The following SGCD variants were observed in gnomAD, a reference collection of about 807,000 sequenced individuals.
SGCD encodes the protein delta-sarcoglycan.
Under a neutral mutation model 36.6 loss-of-function variants are expected in SGCD, and 18 were observed. That is an observed-to-expected ratio of 0.49 (90% confidence interval 0.34 to 0.73). The LOEUF (loss-of-function observed/expected upper bound fraction) is 0.73, where lower values mean the gene tolerates loss of function less well. Among genes scored for constraint, SGCD ranks in the 30% least tolerant of loss-of-function variants. The probability of loss-of-function intolerance (pLI) is 0.01; values close to 1 mark genes in which losing one functional copy is unlikely to be tolerated. For missense variants in SGCD, 387 were observed against 346.7 expected (o/e 1.12, Z -0.92); for synonymous variants, 133 against 130.6 (o/e 1.02, Z -0.12).
intron 3 of SGCD, among the ~76,000 whole-genome samples, chr5:156,257,941 T>C (rs2127663865): frequency 6.6e-6 from 1 of 152,348 alleles, no homozygotes; most frequent in African/African-American, 2.4e-5. Flanking sequence ...ATTTAAACTC[T>C]TAAGTATTCA....
chr5:156,414,498 C>T (rs1350587924), intron 3 of SGCD, among the ~76,000 whole-genome samples: 3 of 152,174 alleles, frequency 2.0e-5, no homozygotes, highest in Non-Finnish European at 2.9e-5. Context: ...AATTGGCACA[C>T]GTTTTCTGTA....
In SGCD at chr5:156,521,283, G is replaced by A. The variant is rs1049960215; in HGVS notation, c.294+12581G>A. Among the ~76,000 whole-genome samples the A allele has an allele frequency of 5.9e-5, 9 of 152,058 alleles. No homozygotes were observed. In the South Asian group the frequency reaches 6.2e-4, roughly 11 times the overall value. Reference sequence around the variant, plus strand: ...AAATCTAGGTAATACCATTCAGGACGTAGGCATGGGCACAGATTTTGTAAT... The same window carrying A: ...AAATCTAGGTAATACCATTCAGGACATAGGCATGGGCACAGATTTTGTAAT... On this transcript the variant is annotated intron_variant, in intron 4 of 8. Transcript: ENST00000337851.
chr5:156,722,483 T>C (rs1755558441), intron 7 of SGCD, among the ~76,000 whole-genome samples: 1 of 152,212 alleles, frequency 6.6e-6, no homozygotes, highest in South Asian at 2.1e-4. Flanking sequence ...CAGCCACTAC[T>C]CTTGGCTTGG....
intron 1 of SGCD, among the ~76,000 whole-genome samples, chr5:155,951,355 G>A (rs542353917): frequency 5.3e-5 from 8 of 152,130 alleles, no homozygotes; most frequent in South Asian, 4.1e-4. Flanking sequence ...CATGAGAAGC[G>A]ACAATATGTA....
At chr5:155,819,643 A>G in the SGCD span, among the ~76,000 whole-genome samples, 1 of 152,182 alleles carries the variant, frequency 6.6e-6, no homozygotes, top group Non-Finnish European at 1.5e-5. Context: ...CACACAACTC[A>G]TTAGTGGCAA....
intron 7 of SGCD, among the ~76,000 whole-genome samples, chr5:156,682,450 G>A (rs1448799142): frequency 6.6e-6 from 1 of 152,146 alleles, no homozygotes; most frequent in Non-Finnish European, 1.5e-5. Context: ...AAACTTTTAG[G>A]CTAAGAGAAG....
chr5:156,530,082 T>G (rs1308122191), intron 4 of SGCD, among the ~76,000 whole-genome samples: 2 of 152,252 alleles, frequency 1.3e-5, no homozygotes, highest in Non-Finnish European at 2.9e-5. Flanking sequence ...GTTTTCTTCC[T>G]TGCTTGGTGC....
chr5:156,000,123 C>T (rs1248478448), intron 1 of SGCD, among the ~76,000 whole-genome samples: 5 of 152,146 alleles, frequency 3.3e-5, no homozygotes, highest in African/African-American at 7.2e-5. Flanking sequence ...CTATGAAGGG[C>T]CTTGTGAGTC....
At chr5:155,840,965 C>T in the SGCD span, among the ~76,000 whole-genome samples, 5 of 140,128 alleles carry the variant, frequency 3.6e-5, no homozygotes, top group South Asian at 2.3e-4. Context: ...GAGTCAAGAT[C>T]GCACCACTAT....
At chr5:156,464,029 A>G (rs1754613161) in intron 3 of SGCD, among the ~76,000 whole-genome samples, 2 of 152,120 alleles carry the variant, frequency 1.3e-5, no homozygotes, top group South Asian at 2.1e-4. Context: ...TAAATTTACT[A>G]TGTGCCAAGT....
intron 3 of SGCD, among the ~76,000 whole-genome samples, chr5:156,280,701 T>C (rs62383779): frequency 6.0e-4 from 91 of 152,154 alleles, no homozygotes; most frequent in Non-Finnish European, 3.4e-4. Context: ...AAATCAATCA[T>C]AGATACATTT....
the SGCD span, among the ~76,000 whole-genome samples, chr5:155,860,865 C>T: frequency 6.6e-5 from 10 of 152,280 alleles, no homozygotes; most frequent in African/African-American, 2.4e-4. Flanking sequence ...TGATAACTGT[C>T]ACAGACAAAG....
intron 7 of SGCD, among the ~76,000 whole-genome samples, chr5:156,750,871 A>G (rs1757126262): frequency 6.6e-6 from 1 of 152,174 alleles, no homozygotes; most frequent in African/African-American, 2.4e-5. Flanking sequence ...TTTTTAAAAA[A>G]CACCATTTTC....
chr5:156,731,219 T>C (rs144919824), intron 7 of SGCD, among the ~76,000 whole-genome samples: 58 of 152,312 alleles, frequency 3.8e-4, no homozygotes, highest in East Asian at 1.9e-3. Flanking sequence ...ATTTACTCTG[T>C]TGATAGTTTG....
chr5:155,919,700 A>G (rs1417340412), intron 1 of SGCD, among the ~76,000 whole-genome samples: 1 of 152,168 alleles, frequency 6.6e-6, no homozygotes, highest in Non-Finnish European at 1.5e-5. Flanking sequence ...AGGATGAGAA[A>G]CTGGTTTCCT....
chr5:155,814,317 A>G, the SGCD span, among the ~76,000 whole-genome samples: 1 of 152,192 alleles, frequency 6.6e-6, no homozygotes, highest in Non-Finnish European at 1.5e-5. Context: ...ATCATTCTTC[A>G]GAATTTATTT....
chr5:156,060,123 T>A lies in SGCD; in HGVS notation c.-281-57755T>A, dbSNP rs1029009705. ...TAACCTGCATTTTTTGTTCAGACTATTTCAAAGGAGTTTTAGAACCCCAAT... is the reference window on the plus strand; with the variant it reads ...TAACCTGCATTTTTTGTTCAGACTAATTCAAAGGAGTTTTAGAACCCCAAT... On this transcript the variant is annotated intron_variant, in intron 1 of 9. Transcript: ENST00000517913. Among the ~76,000 whole-genome samples, 2 of 146,736 alleles carry A rather than the reference T, an allele frequency of 1.4e-5. 1 individual carries two copies. The highest frequency in any genetic ancestry group is 4.3e-4 in the South Asian group (2 of 4,674).
rs141055791 is a variant in SGCD, at chr5:156,446,354, G to A, written c.193-62247G>A. On this transcript the variant is annotated intron_variant, in intron 3 of 8. Coordinates refer to ENST00000337851, the MANE Select transcript of SGCD (RefSeq NM_000337.6). ...AAAGACAGTTGCACTGGGGTAGGAG[G>A]TAAGAGAAGCTCAGTGTAGGCGTGA... is the stretch of plus-strand genomic sequence containing the variant. Among the ~76,000 whole-genome samples, 126 of 152,226 alleles carry A rather than the reference G, an allele frequency of 8.3e-4. 2 individuals carry two copies. The highest frequency in any genetic ancestry group is 2.9e-3 in the African/African-American group (122 of 41,548).
At chr5:155,879,068 A>G (rs2113290921) in intron 1 of SGCD, among the ~76,000 whole-genome samples, 1 of 152,106 alleles carries the variant, frequency 6.6e-6, no homozygotes, top group Admixed American at 6.5e-5. Context: ...CAGGCACCAC[A>G]TCTGCACACT....
Sources: gnomAD v4.1 joint callset for allele counts (sites outside exome capture counted in the v4.1 genomes callset) on GRCh38, gnomAD v4.1.1 for gene constraint, MANE v1.5 for transcripts, NCBI Gene and HGNC (gene_info 2026-07-23, HGNC 2026-07-21) for gene names.